The following TBC1D22A variants were observed in gnomAD, a reference collection of about 807,000 sequenced individuals.
TBC1D22A encodes the protein putative GTPase activator.
TBC1D22A carries 38 observed loss-of-function variants against 60.2 expected under a neutral mutation model. The ratio of observed to expected loss-of-function variants is 0.63; its 90% CI spans 0.49 to 0.83. The LOEUF (loss-of-function observed/expected upper bound fraction) is 0.83, where lower values mean the gene tolerates loss of function less well. TBC1D22A is among the 40% of genes least tolerant of loss of function. TBC1D22A has a pLI of 0.00. For synonymous variants in TBC1D22A, 302 were observed against 281.7 expected (o/e 1.07, Z -0.72); for missense variants, 628 against 701.0 (o/e 0.90, Z 1.18).
chr22:46,931,491 A>G (rs372084020), intron 8 of TBC1D22A, among the ~76,000 whole-genome samples: 41 of 152,354 alleles, frequency 2.7e-4, no homozygotes, highest in African/African-American at 9.1e-4. Flanking sequence ...CCTAATATAA[A>G]TGCCACATAA....
rs145880479 is a variant in TBC1D22A, at chr22:46,974,342, G to T, written c.1068G>T (p.Leu356=). The T allele has an allele frequency of 5.0e-6, 8 of 1,610,794 alleles. No homozygotes were observed. The African/African-American group carries it at 1.1e-4, about 22-fold the overall frequency. The change falls in exon 9 of 13, where the codon CTG becomes CTT. Residue 356 remains leucine, a synonymous_variant. Transcript: ENST00000337137. ...TCTCCGGCGTGCCCGCAGAGGTGCTGTGCAACATCGAGGCCGACACCTACT... is the reference window on the plus strand; with the variant it reads ...TCTCCGGCGTGCCCGCAGAGGTGCTTTGCAACATCGAGGCCGACACCTACT... ...VDVSGVPAEV[L]CNIEADTYWC... is the part of the protein sequence containing the mutation.
chr22:46,913,548 C>T, intron 8 of TBC1D22A: 2 of 1,220,518 alleles, frequency 1.6e-6, no homozygotes, highest in South Asian at 1.5e-5. Context: ...CCTCGGCTCA[C>T]TCCCTAATCA....
chr22:46,864,824 G>A (rs367718938), intron 4 of TBC1D22A, among the ~76,000 whole-genome samples: 1 of 152,322 alleles, frequency 6.6e-6, no homozygotes, highest in African/African-American at 2.4e-5. Context: ...TCTGTTGCAG[G>A]ACAGTGCCCG....
At chr22:47,093,483 G>A (rs964633793) in intron 11 of TBC1D22A, among the ~76,000 whole-genome samples, 2 of 152,232 alleles carry the variant, frequency 1.3e-5, no homozygotes, top group East Asian at 3.9e-4. Context: ...GGGCTGCCTT[G>A]TTCACTCTCC....
rs117718929 is a variant in TBC1D22A, at chr22:47,068,208, C to G, written c.1329+31010C>G. Among the ~76,000 whole-genome samples the G allele has an allele frequency of 5.3e-4, 81 of 152,342 alleles. No individual in the cohort carries two copies. The East Asian group carries it at 0.014, about 27-fold the overall frequency. On this transcript the variant is annotated intron_variant, in intron 11 of 12. Transcript: ENST00000337137. Reference sequence around the variant, plus strand: ...CTGGCCGGACCCTTGACTGGGGTAGCCACCCATCCATGGCACCACTGTCGA... The same window carrying G: ...CTGGCCGGACCCTTGACTGGGGTAGGCACCCATCCATGGCACCACTGTCGA...
chr22:46,840,561 T>C (rs993717839), intron 4 of TBC1D22A, among the ~76,000 whole-genome samples: 3 of 151,996 alleles, frequency 2.0e-5, no homozygotes, highest in Admixed American at 1.3e-4. Flanking sequence ...AGTGAAACCC[T>C]GTCTCTACTA....
In TBC1D22A at chr22:46,932,720, C is replaced by CTTTTTTTTTTTTTTT. The variant is rs67463903; in HGVS notation, c.1015+20540_1015+20554dup. ...AGTGCAGTGTGCGTTGTCCTTCTTG[C>CTTTTTTTTTTTTTTT]TTTTTTTTTTTTTTTTTTTTTTGAG... On this transcript the variant is annotated intron_variant, in intron 8 of 12. Transcript: ENST00000337137. Among the ~76,000 whole-genome samples the CTTTTTTTTTTTTTTT allele has an allele frequency of 1.2e-4, 8 of 66,322 alleles. 1 individual carries two copies. Among genetic ancestry groups the CTTTTTTTTTTTTTTT allele is most frequent in the African/African-American group, 5.4e-4 (8 of 14,754 alleles). 43.5% of individuals were successfully genotyped at this position (66,322 alleles called of 152,430 possible). A position where few individuals can be genotyped will look rare whatever the true frequency, so the allele number is the denominator to read the frequency against.
chr22:46,836,930 G>A (rs188003818), intron 4 of TBC1D22A, among the ~76,000 whole-genome samples: 45 of 152,082 alleles, frequency 3.0e-4, no homozygotes, highest in Admixed American at 2.7e-3. Flanking sequence ...AGGCTGAGGT[G>A]GGAGGATTGC....
chr22:47,090,774 G>T (rs2064891963), intron 11 of TBC1D22A, among the ~76,000 whole-genome samples: 1 of 150,232 alleles, frequency 6.7e-6, no homozygotes, highest in East Asian at 2.0e-4. Context: ...ACGGGCACGA[G>T]AAATCGTCTT....
intron 10 of TBC1D22A, among the ~76,000 whole-genome samples, chr22:47,008,060 A>C (rs1303796243): frequency 6.6e-6 from 1 of 152,198 alleles, no homozygotes; most frequent in Non-Finnish European, 1.5e-5. Flanking sequence ...TAATGCCATG[A>C]GGGAAGGAAG....
intron 11 of TBC1D22A, among the ~76,000 whole-genome samples, chr22:47,050,659 G>A (rs1429064344): frequency 2.6e-5 from 4 of 152,106 alleles, no homozygotes; most frequent in African/African-American, 9.7e-5. Context: ...GGCCACAGGA[G>A]ACAGCTACTA....
intron 4 of TBC1D22A, among the ~76,000 whole-genome samples, chr22:46,826,529 G>A (rs1023254037): frequency 3.3e-5 from 5 of 152,098 alleles, no homozygotes; most frequent in Non-Finnish European, 7.3e-5. Context: ...CGGATTTTTC[G>A]CTGATGGTTT....
intron 4 of TBC1D22A, among the ~76,000 whole-genome samples, chr22:46,809,687 A>G (rs1196170454): frequency 6.6e-6 from 1 of 152,064 alleles, no homozygotes; most frequent in East Asian, 1.9e-4. Context: ...TGACCTGGGC[A>G]GTGTCTTCAT....
At chr22:47,038,022 C>T (rs1015481378) in intron 11 of TBC1D22A, among the ~76,000 whole-genome samples, 2 of 152,206 alleles carry the variant, frequency 1.3e-5, no homozygotes, top group Admixed American at 6.5e-5. Context: ...AACAAGCCAC[C>T]TCTCTTCCCT....
chr22:47,131,704 C>T (rs569780735), intron 12 of TBC1D22A, among the ~76,000 whole-genome samples: 1 of 152,342 alleles, frequency 6.6e-6, no homozygotes, highest in African/African-American at 2.4e-5. Context: ...CATCTTGCCT[C>T]ACTCTGCAGT....
intron 10 of TBC1D22A, among the ~76,000 whole-genome samples, chr22:47,025,333 C>T (rs1464633841): frequency 6.6e-6 from 1 of 152,080 alleles, no homozygotes; most frequent in African/African-American, 2.4e-5. Context: ...CAAGATAGAC[C>T]ATATTTTGGG....
chr22:47,050,541 C>G (rs779520559), intron 11 of TBC1D22A, among the ~76,000 whole-genome samples: 1 of 152,202 alleles, frequency 6.6e-6, no homozygotes, highest in Non-Finnish European at 1.5e-5. Flanking sequence ...AGCATCCGTT[C>G]AGAGTGTTCA....
intron 12 of TBC1D22A, among the ~76,000 whole-genome samples, chr22:47,144,531 C>T (rs2067221015): frequency 6.6e-6 from 1 of 152,242 alleles, no homozygotes; most frequent in Non-Finnish European, 1.5e-5. Flanking sequence ...TACTGAGCCC[C>T]TGTCTGCCTG....
At chr22:47,050,283 A>G (rs191721646) in intron 11 of TBC1D22A, among the ~76,000 whole-genome samples, 1,999 of 151,036 alleles carry the variant, frequency 0.013, 19 homozygotes, top group Middle Eastern at 0.035. Flanking sequence ...GGGATTACAG[A>G]CATGAGCCAC....
Sources: gnomAD v4.1 joint callset for allele counts (sites outside exome capture counted in the v4.1 genomes callset) on GRCh38, gnomAD v4.1.1 for gene constraint, MANE v1.5 for transcripts, NCBI Gene and HGNC (gene_info 2026-07-23, HGNC 2026-07-21) for gene names.